JPH3: variants seen among roughly 807,000 people sequenced by gnomAD.
JPH3 encodes the protein junctophilin-3.
A neutral mutation model predicts 59.6 loss-of-function variants in JPH3; 11 were observed. The ratio of observed to expected loss-of-function variants is 0.18; its 90% CI spans 0.12 to 0.31. The LOEUF (loss-of-function observed/expected upper bound fraction) is 0.31, where lower values mean the gene tolerates loss of function less well. Among genes scored for constraint, JPH3 ranks in the 10% least tolerant of loss-of-function variants. The pLI, the probability that JPH3 is intolerant of heterozygous loss-of-function variation, is 1.00. For missense variants in JPH3, 1,202 were observed against 1,105.7 expected, an observed-to-expected ratio of 1.09 and a Z score of -1.24; for synonymous variants, 673 against 483.6, an observed-to-expected ratio of 1.39 and a Z score of -5.14.
At chr16:87,643,885 A>G (rs1464273493) in intron 1 of JPH3, among the ~76,000 whole-genome samples, 3 of 152,150 alleles carry the variant, frequency 2.0e-5, no homozygotes, top group African/African-American at 2.4e-5. Context: ...CATGACTGTA[A>G]TCACAGCACT....
Position 87,644,137 on chromosome 16 carries a change from CAAA to C in JPH3, c.383-117_383-115del, listed in dbSNP as rs1365490557. ...TGGGCAACACAGCGAGAACCTGTCT[CAAA>C]AAACACAAAACAACAGGAAGCTCAG... On this transcript the variant is annotated intron_variant, in intron 1 of 4. Coordinates refer to ENST00000284262, the MANE Select transcript of JPH3 (RefSeq NM_020655.4). 55 of 1,122,876 alleles carry C rather than the reference CAAA, an allele frequency of 4.9e-5. No individual in the cohort carries two copies. In the South Asian group the frequency reaches 8.3e-4, roughly 17 times the overall value. The allele number at this position is 1,122,876 out of a possible 1,614,324, so 69.6% of individuals were successfully genotyped here.
At position 87,644,525 on chromosome 16, in the gene JPH3, G is replaced by A. The variant is rs762242197; in HGVS notation, c.650G>A (p.Arg217His). Residue 217 changes from arginine to histidine, a missense_variant, in exon 2 of 5, where the codon CGC (arginine) becomes CAC (histidine). Transcript: ENST00000284262. ...AGCAAGAAGAAGGGGCTGTTTCGGC[G>A]CTCGCTGCTGAGTGGGCTGAAGCTG... ...LKSKKKGLFR[R>H]SLLSGLKLRK... 4.4e-5 allele frequency: 71 copies of A among 1,612,758 alleles called. No homozygotes were observed. Among genetic ancestry groups the A allele is most frequent in the Non-Finnish European group, 5.4e-5 (64 of 1,179,856 alleles).
rs542415734 is a variant in JPH3, at chr16:87,648,536, C to T, written c.1160+3501C>T. On this transcript the variant is annotated intron_variant, in intron 2 of 4. Coordinates refer to ENST00000284262, the MANE Select transcript of JPH3 (RefSeq NM_020655.4). ...GTTTGCGGTGTCCTCCGCGGAGTGC[C>T]GGGCCCTTCCCCGGAGAGCAGCTCT... Among the ~76,000 whole-genome samples, 9 of 152,288 alleles carry T rather than the reference C, an allele frequency of 5.9e-5. No homozygotes were observed. The South Asian group carries it at 8.3e-4, about 14-fold the overall frequency.
chr16:87,690,316 G>T lies in JPH3; in HGVS notation c.1956G>T (p.Val652=). The change falls in exon 4 of 5, where the codon GTG becomes GTT. Residue 652 remains valine (V), a synonymous_variant. Coordinates refer to ENST00000284262, the MANE Select transcript of JPH3 (RefSeq NM_020655.4). ...GCCCCGAGGACCGGGGCTTCGGGGT[G>T]CAGAGACTGCGGTCCAAGGCCCAGA... ...DHRPEDRGFG[V]QRLRSKAQNK... The T allele has an allele frequency of 6.3e-7, 1 of 1,592,910 alleles. No homozygotes were observed. The highest frequency in any genetic ancestry group is 1.7e-5 in the Admixed American group (1 of 57,296).
rs59009330 is a variant in JPH3, at chr16:87,677,174, CTATATA to C, written c.1161-6961_1161-6956del. Among the ~76,000 whole-genome samples the C allele has an allele frequency of 2.7e-3, 325 of 119,170 alleles. 7 individuals carry two copies. The highest frequency in any genetic ancestry group is 0.011 in the African/African-American group (301 of 28,226). The allele number at this position is 119,170 out of a possible 152,430, so 78.2% of individuals were successfully genotyped here. On this transcript the variant is annotated intron_variant, in intron 2 of 4. Transcript: ENST00000284262. Reference sequence around the variant, plus strand: ...ACTCCATTATACACACACACACGCACTATATATATATACACACACACACACACACAC... The same window carrying C: ...ACTCCATTATACACACACACACGCACTATATACACACACACACACACACAC...
chr16:87,654,982 C>G (rs937094881), intron 2 of JPH3: 3 of 152,264 alleles, frequency 2.0e-5, no homozygotes, highest in Non-Finnish European at 2.9e-5. Context: ...CAAACCAGCT[C>G]CTCTTTGTTG....
intron 2 of JPH3, among the ~76,000 whole-genome samples, chr16:87,669,740 C>T (rs184245191): frequency 6.6e-6 from 1 of 152,166 alleles, no homozygotes; most frequent in African/African-American, 2.4e-5. Context: ...AAGCTGGACC[C>T]AGGCAGAAAA....
At chr16:87,656,095 C>T (rs144472112) in intron 2 of JPH3, among the ~76,000 whole-genome samples, 9 of 152,352 alleles carry the variant, frequency 5.9e-5, no homozygotes, top group African/African-American at 2.2e-4. Context: ...ATGGCGTGAA[C>T]TTCCCTTCCT....
intron 2 of JPH3, among the ~76,000 whole-genome samples, chr16:87,653,142 G>T (rs2032380230): frequency 6.6e-6 from 1 of 152,228 alleles, no homozygotes; most frequent in Non-Finnish European, 1.5e-5. Context: ...TCACACCCAG[G>T]CTGGGCTCAG....
intron 2 of JPH3, among the ~76,000 whole-genome samples, chr16:87,681,117 C>T (rs1220936863): frequency 1.3e-5 from 2 of 151,678 alleles, no homozygotes; most frequent in Admixed American, 6.6e-5. Flanking sequence ...ATGATAGTTC[C>T]GGGAGGTCAG....
At chr16:87,648,708 T>C (rs1199811992) in intron 2 of JPH3, among the ~76,000 whole-genome samples, 1 of 152,068 alleles carries the variant, frequency 6.6e-6, no homozygotes, top group Non-Finnish European at 1.5e-5. Context: ...GGAGTCACCA[T>C]GGGTTCTAAG....
At chr16:87,637,868 G>C (rs1007381410) in intron 1 of JPH3, among the ~76,000 whole-genome samples, 3 of 152,128 alleles carry the variant, frequency 2.0e-5, no homozygotes, top group African/African-American at 7.2e-5. Context: ...TGCGGGGGCT[G>C]CTGGTGTTCT....
At chr16:87,629,835 A>G (rs1398144785) in intron 1 of JPH3, among the ~76,000 whole-genome samples, 1 of 152,158 alleles carries the variant, frequency 6.6e-6, no homozygotes, top group Non-Finnish European at 1.5e-5. Context: ...TCTGGTTAAT[A>G]ATGTATCTGT....
chr16:87,677,201 C>T (rs1441360969), intron 2 of JPH3, among the ~76,000 whole-genome samples: 1 of 119,322 alleles, frequency 8.4e-6, no homozygotes, highest in Admixed American at 8.9e-5. Context: ...CACACACACA[C>T]ACACACACAC....
At chr16:87,615,798 A>G (rs544785020) in intron 1 of JPH3, among the ~76,000 whole-genome samples, 80 of 152,272 alleles carry the variant, frequency 5.3e-4, no homozygotes, top group African/African-American at 1.8e-3. Flanking sequence ...CTCCTCTGCA[A>G]TGAGGCATTG....
intron 1 of JPH3, among the ~76,000 whole-genome samples, chr16:87,615,857 C>T (rs2030936638): frequency 6.6e-6 from 1 of 152,172 alleles, no homozygotes; most frequent in Non-Finnish European, 1.5e-5. Context: ...GGGGTCAGCC[C>T]CGGGCACAGC....
intron 2 of JPH3, among the ~76,000 whole-genome samples, chr16:87,680,325 G>A (rs1438792914): frequency 1.3e-5 from 2 of 152,246 alleles, no homozygotes; most frequent in African/African-American, 2.4e-5. Flanking sequence ...GATGGCCAGG[G>A]ATGAAGGGCT....
At chr16:87,669,700 G>A (rs1159164063) in intron 2 of JPH3, among the ~76,000 whole-genome samples, 1 of 152,176 alleles carries the variant, frequency 6.6e-6, no homozygotes, top group Non-Finnish European at 1.5e-5. Context: ...GTCAGAGCGG[G>A]AGGCAGGACC....
intron 2 of JPH3, among the ~76,000 whole-genome samples, chr16:87,677,226 A>ACACACAC (rs1491554199): frequency 1.5e-4 from 13 of 88,086 alleles, no homozygotes; most frequent in South Asian, 4.1e-4. Flanking sequence ...ACACACACAC[A>ACACACAC]AAAAAAAAAA....
Sources: gnomAD v4.1 joint callset for allele counts (sites outside exome capture counted in the v4.1 genomes callset) on GRCh38, gnomAD v4.1.1 for gene constraint, MANE v1.5 for transcripts, NCBI Gene and HGNC (gene_info 2026-07-23, HGNC 2026-07-21) for gene names.